Variants in NR5A1 observed in about 807,000 individuals in gnomAD.
NR5A1 encodes the protein steroidogenic factor 1.
In NR5A1, 6 loss-of-function variants were observed where a neutral mutation model predicts 42.7. The observed-to-expected ratio is 0.14, with a 90% CI of 0.08 to 0.28. The LOEUF (loss-of-function observed/expected upper bound fraction) is 0.28. NR5A1 is among the 10% of genes least tolerant of loss of function. NR5A1 has a pLI of 1.00. For synonymous variants in NR5A1, 274 were observed against 277.5 expected, an observed-to-expected ratio of 0.99 and a Z score of 0.12; for missense variants, 442 against 626.4, an observed-to-expected ratio of 0.71 and a Z score of 3.14.
chr9:124,485,686 C>T (rs545718330), intron 6 of NR5A1, among the ~76,000 whole-genome samples: 6 of 152,346 alleles, frequency 3.9e-5, no homozygotes, highest in South Asian at 4.1e-4. Flanking sequence ...TCCATCCCAA[C>T]GCCTCCTGGC....
chr9:124,506,755 G>C (rs577378659), intron 1 of NR5A1, among the ~76,000 whole-genome samples: 2 of 152,330 alleles, frequency 1.3e-5, no homozygotes, highest in African/African-American at 4.8e-5. Flanking sequence ...ACCGCCTGGG[G>C]AGTTCCAGCC....
rs1345096362 is a variant in NR5A1, at chr9:124,496,738, A to G, written c.870+3352T>C. Among the ~76,000 whole-genome samples the G allele has an allele frequency of 2.0e-5, 3 of 152,200 alleles. No homozygotes were observed. Among genetic ancestry groups the G allele is most frequent in the East Asian group, 1.9e-4 (1 of 5,200 alleles). ...TACTGCCGCTTAAATGAAACCGTCTATCTGGGCAGTTAAATCTGCTGTCAG... is the reference window on the plus strand; with the variant it reads ...TACTGCCGCTTAAATGAAACCGTCTGTCTGGGCAGTTAAATCTGCTGTCAG... On this transcript the variant is annotated intron_variant, in intron 4 of 6. Coordinates refer to ENST00000373588, the MANE Select transcript of NR5A1 (RefSeq NM_004959.5). This position sits in a 1 kb window ranked among gnomAD's most constrained non-coding sequence, Gnocchi z 5.0.
intron 4 of NR5A1, among the ~76,000 whole-genome samples, chr9:124,493,770 G>A (rs761604905): frequency 1.3e-5 from 2 of 152,208 alleles, no homozygotes; most frequent in Non-Finnish European, 2.9e-5. Flanking sequence ...CCTGGCACAT[G>A]AAGCAGAAAC....
At chr9:124,493,963 G>T in intron 4 of NR5A1, among the ~76,000 whole-genome samples, 1 of 152,190 alleles carries the variant, frequency 6.6e-6, no homozygotes, top group East Asian at 1.9e-4. Flanking sequence ...GAAAGGGCAA[G>T]AGACTCTCCC....
At position 124,500,733 on chromosome 9, in the gene NR5A1, G is replaced by A; in HGVS notation, c.245-18C>T. The A allele has an allele frequency of 1.2e-6, 2 of 1,612,402 alleles. No individual in the cohort carries two copies. The highest frequency in any genetic ancestry group is 1.7e-4 in the Middle Eastern group (1 of 6,052). On this transcript the variant is annotated intron_variant, in intron 3 of 6. Transcript: ENST00000373588. This position sits in a 1 kb window ranked among gnomAD's most constrained non-coding sequence, Gnocchi z 6.9. Reference sequence around the variant, plus strand: ...GCGCACGGCTGTGGGCAGGGGCAGAGGGTCAGACTCACCCTCTCTAAGCCC... The same window carrying A: ...GCGCACGGCTGTGGGCAGGGGCAGAAGGTCAGACTCACCCTCTCTAAGCCC...
chr9:124,500,114 C>A lies in NR5A1; in HGVS notation c.846G>T (p.Arg282Ser). 1.2e-6 allele frequency: 2 copies of A among 1,613,130 alleles called. No homozygotes were observed. Among genetic ancestry groups the A allele is most frequent in the Non-Finnish European group, 1.7e-6 (2 of 1,180,032 alleles). The change falls in exon 4 of 7, where the codon AGG (arginine) becomes AGT (serine). Residue 282 changes from arginine to serine, a missense_variant. Arg to Ser is a moderately radical substitution (Grantham distance 110, BLOSUM62 -1). Coordinates refer to ENST00000373588, the MANE Select transcript of NR5A1 (RefSeq NM_004959.5). This position sits in a 1 kb window ranked among gnomAD's most constrained non-coding sequence, Gnocchi z 6.9. Reference protein sequence around the residue: ...TFISIVDWARRCMVFKELEVA... With the variant: ...TFISIVDWARSCMVFKELEVA... ...CCTCCAGCTCCTTGAAGACCATGCA[C>A]CTGCGTGCCCAGTCCACGATGGAGA...
At chr9:124,495,964 G>A (rs1417394063) in intron 4 of NR5A1, among the ~76,000 whole-genome samples, 2 of 152,210 alleles carry the variant, frequency 1.3e-5, no homozygotes, top group East Asian at 1.9e-4. Flanking sequence ...TGTGAAGCAG[G>A]AAATGTAATT....
Position 124,500,548 on chromosome 9 carries a change from A to C in NR5A1, c.412T>G (p.Tyr138Asp). 1 of 1,610,224 alleles carries C rather than the reference A, an allele frequency of 6.2e-7. No homozygotes were observed. Among genetic ancestry groups the C allele is most frequent in the South Asian group, 1.1e-5 (1 of 91,028 alleles). Residue 138 changes from tyrosine (Y) to aspartate (D), a missense_variant, in exon 4 of 7, where the codon TAC becomes GAC. Tyr to Asp is a radical substitution (Grantham distance 160). Transcript: ENST00000373588. This position sits in a 1 kb window ranked among gnomAD's most constrained non-coding sequence, Gnocchi z 6.9. ...VPPPPPPAPDYVLPPSLHGPE... is the reference protein window; with the variant it reads ...VPPPPPPAPDDVLPPSLHGPE... ...CCATGCAGGCTGGGAGGCAGCACGT[A>C]GTCCGGTGCGGGAGGGGGCGGCGGG...
chr9:124,484,080 C>T (rs1439812202), intron 6 of NR5A1, among the ~76,000 whole-genome samples: 2 of 152,276 alleles, frequency 1.3e-5, no homozygotes, highest in East Asian at 1.9e-4. Flanking sequence ...AATCACCTGA[C>T]GCAAGCCTAT....
At chr9:124,492,571 G>A (rs1280798596) in intron 5 of NR5A1, among the ~76,000 whole-genome samples, 1 of 152,046 alleles carries the variant, frequency 6.6e-6, no homozygotes, top group Non-Finnish European at 1.5e-5. Context: ...GCCAGCACTA[G>A]CAACCCCCTA....
At chr9:124,504,863 TC>T (rs1414953058) in intron 1 of NR5A1, among the ~76,000 whole-genome samples, 1 of 137,270 alleles carries the variant, frequency 7.3e-6, no homozygotes, top group African/African-American at 2.7e-5. Context: ...GGGCCTCGGC[TC>T]CCCCCTCCCG....
At position 124,500,776 on chromosome 9, in the gene NR5A1, C is replaced by T; in HGVS notation, c.245-61G>A. On this transcript the variant is annotated intron_variant, in intron 3 of 6. Coordinates refer to ENST00000373588, the MANE Select transcript of NR5A1 (RefSeq NM_004959.5). This position sits in a 1 kb window ranked among gnomAD's most constrained non-coding sequence, Gnocchi z 6.9. ...CTAAGCCCCCTTCCATGCTGCCCCA[C>T]CACAGATCCTTTCCAAACAAATCTG... The T allele has an allele frequency of 1.2e-6, 2 of 1,610,464 alleles. No individual in the cohort carries two copies. The highest frequency in any genetic ancestry group is 1.7e-6 in the Non-Finnish European group (2 of 1,178,874).
intron 4 of NR5A1, among the ~76,000 whole-genome samples, chr9:124,493,893 G>C (rs2131280731): frequency 6.6e-6 from 1 of 152,308 alleles, no homozygotes; most frequent in Non-Finnish European, 1.5e-5. Flanking sequence ...GGACTCAGAA[G>C]CAGAGCCAGG....
At chr9:124,486,616 C>T (rs542738370) in intron 6 of NR5A1, among the ~76,000 whole-genome samples, 1 of 152,304 alleles carries the variant, frequency 6.6e-6, no homozygotes, top group East Asian at 1.9e-4. Flanking sequence ...CTAGGATTCC[C>T]CCAGAGAGGC....
At chr9:124,489,619 C>T (rs1832272346) in intron 6 of NR5A1, among the ~76,000 whole-genome samples, 1 of 152,162 alleles carries the variant, frequency 6.6e-6, no homozygotes, top group African/African-American at 2.4e-5. Context: ...TGGCAGGCTG[C>T]GGGGAAGGTG....
At chr9:124,497,921 A>G (rs1009471723) in intron 4 of NR5A1, among the ~76,000 whole-genome samples, 5 of 152,158 alleles carry the variant, frequency 3.3e-5, no homozygotes, top group African/African-American at 1.2e-4. Flanking sequence ...CTCTCCCCCC[A>G]GGGTCCCCTC....
At chr9:124,484,044 A>G (rs1029247429) in intron 6 of NR5A1, among the ~76,000 whole-genome samples, 1 of 152,340 alleles carries the variant, frequency 6.6e-6, no homozygotes, top group East Asian at 1.9e-4. Flanking sequence ...AAATGTGCTC[A>G]GACCACATTA....
In NR5A1 at chr9:124,492,128, G is replaced by A. The variant is rs534032108; in HGVS notation, c.991-900C>T. On this transcript the variant is annotated intron_variant, in intron 5 of 6. Transcript: ENST00000373588. ...AGGGCTGGAGCTGGGAGCAGAGTCT[G>A]TCTTCCCCACCCCACAGCACCCACC... 1.5e-3 allele frequency among the ~76,000 whole-genome samples: 225 copies of A among 152,186 alleles called. 1 individual carries two copies. The highest frequency in any genetic ancestry group is 2.5e-3 in the Non-Finnish European group (170 of 67,968).
At chr9:124,484,261 G>A (rs537136177) in intron 6 of NR5A1, among the ~76,000 whole-genome samples, 2 of 152,262 alleles carry the variant, frequency 1.3e-5, no homozygotes, top group South Asian at 4.1e-4. Context: ...ATGAGTCAGG[G>A]GCCATCTCTG....
Sources: allele counts gnomAD v4.1 joint callset (sites outside exome capture counted in the v4.1 genomes callset), GRCh38; gene constraint gnomAD v4.1.1; non-coding constraint Gnocchi (gnomAD v3.1); transcripts MANE v1.5; gene names NCBI Gene and HGNC (gene_info 2026-07-23, HGNC 2026-07-21).